MYO1B: variants seen among roughly 807,000 people sequenced by gnomAD.
The protein encoded by MYO1B is unconventional myosin-Ib.
In MYO1B, 72 loss-of-function variants were observed where a neutral mutation model predicts 159.7. The ratio of observed to expected loss-of-function variants is 0.45; its 90% confidence interval spans 0.37 to 0.55. The LOEUF (loss-of-function observed/expected upper bound fraction) is 0.55, where lower values mean the gene tolerates loss of function less well. Ranked by LOEUF, MYO1B falls within the 20% of genes least tolerant of loss-of-function variation. MYO1B has a pLI of 0.00. For synonymous variants in MYO1B, 468 were observed against 473.8 expected, an observed-to-expected ratio of 0.99 and a Z score of 0.16; for missense variants, 1,062 against 1,364.8, an observed-to-expected ratio of 0.78 and a Z score of 3.50.
intron 4 of MYO1B, among the ~76,000 whole-genome samples, chr2:191,332,355 A>AT (rs11289665): frequency 0.072 from 10,531 of 147,020 alleles, 393 homozygotes; most frequent in Middle Eastern, 0.089. Context: ...ATATTATAGG[A>AT]TTTTTTTTTT....
chr2:191,385,349 A>G (rs1695337665), intron 15 of MYO1B, among the ~76,000 whole-genome samples: 1 of 152,254 alleles, frequency 6.6e-6, no homozygotes, highest in Non-Finnish European at 1.5e-5. Context: ...TGTTAAAAGC[A>G]GCATCTCAAA....
At chr2:191,298,027 T>G (rs1465832355) in intron 3 of MYO1B, among the ~76,000 whole-genome samples, 1 of 152,242 alleles carries the variant, frequency 6.6e-6, no homozygotes, top group African/African-American at 2.4e-5. Context: ...GGATTTTCTC[T>G]GTATGATTAA....
At position 191,333,767 on chromosome 2, in the gene MYO1B, G is replaced by A. The variant is rs865973384; in HGVS notation, c.346+3738G>A. ...CCTGTGGGAAACTTTACAGGACATG[G>A]GCATCTTGAGAAAATGTTTTTACCC... On this transcript the variant is annotated intron_variant, in intron 4 of 30. Transcript: ENST00000392318. Among the ~76,000 whole-genome samples, 5 of 152,180 alleles carry A rather than the reference G, an allele frequency of 3.3e-5. 1 individual carries two copies. The highest frequency in any genetic ancestry group is 6.8e-3 in the Middle Eastern group (2 of 294).
At chr2:191,298,523 G>T (rs1378162) in intron 3 of MYO1B, among the ~76,000 whole-genome samples, 56,593 of 151,952 alleles carry the variant, frequency 0.37, 10,808 homozygotes, top group Middle Eastern at 0.53. Flanking sequence ...TCATAAGCCA[G>T]GAATCTACAT....
intron 2 of MYO1B, among the ~76,000 whole-genome samples, chr2:191,282,606 G>A (rs565356097): frequency 1.3e-5 from 2 of 152,286 alleles, no homozygotes; most frequent in Non-Finnish European, 2.9e-5. Context: ...CATTCCCAGC[G>A]TGAACAGTAA....
At chr2:191,389,118 T>C (rs76527072) in intron 17 of MYO1B, among the ~76,000 whole-genome samples, 1,547 of 152,346 alleles carry the variant, frequency 0.01, 61 homozygotes, top group Admixed American at 0.076. Context: ...TGTAGGGATC[T>C]GAACTTACTA....
In MYO1B at chr2:191,364,155, C is replaced by T. The variant is rs184920357; in HGVS notation, c.914-3C>T. The stretch of plus-strand genomic sequence containing the variant: ...TTTGTGTCCATCCCCTGCCTTCCCA[C>T]AGAGTTAAAAGAAATTTGTGAATTG... On this transcript the variant is annotated splice_region_variant and splice_polypyrimidine_tract_variant and intron_variant, in intron 10 of 30. Transcript: ENST00000392318. 1.1e-5 allele frequency: 18 copies of T among 1,612,608 alleles called. No homozygotes were observed. The Admixed American group carries it at 2.2e-4, about 19-fold the overall frequency.
rs559219086 is a variant in MYO1B, at chr2:191,386,023, G to A, written c.1493G>A (p.Arg498Gln). The A allele has an allele frequency of 1.2e-6, 2 of 1,614,062 alleles. No homozygotes were observed. The highest frequency in any genetic ancestry group is 1.1e-5 in the South Asian group (1 of 91,076). The change falls in exon 16 of 31, where the codon CGG (arginine) becomes CAG (glutamine). Residue 498 changes from arginine to glutamine, a missense_variant. Physicochemically the swap from Arg to Gln is conservative, Grantham distance 43. Coordinates refer to ENST00000392318, the MANE Select transcript of MYO1B (RefSeq NM_001130158.3). ...GAGAGCAGGATGAGCAAGTGCTCTCGGTTCCTCAATGACACGTCTCTGCCT... is the reference window on the plus strand; with the variant it reads ...GAGAGCAGGATGAGCAAGTGCTCTCAGTTCCTCAATGACACGTCTCTGCCT... ...HFESRMSKCS[R>Q]FLNDTSLPHS...
At chr2:191,297,516 T>G (rs1429171975) in intron 3 of MYO1B, among the ~76,000 whole-genome samples, 2 of 152,198 alleles carry the variant, frequency 1.3e-5, no homozygotes, top group East Asian at 1.9e-4. Flanking sequence ...TATTACTTTT[T>G]CGCAGTAGCA....
At chr2:191,336,367 A>G (rs1691842114) in intron 4 of MYO1B, among the ~76,000 whole-genome samples, 1 of 152,182 alleles carries the variant, frequency 6.6e-6, no homozygotes, top group South Asian at 2.1e-4. Context: ...CGAGCATTTC[A>G]CAGTGTTGAA....
At chr2:191,279,066 T>C (rs1218058153) in intron 2 of MYO1B, among the ~76,000 whole-genome samples, 1 of 152,238 alleles carries the variant, frequency 6.6e-6, no homozygotes, top group Non-Finnish European at 1.5e-5. Context: ...CATGAGTCTT[T>C]AGCAGACGAA....
chr2:191,291,210 G>A (rs1422660053), intron 2 of MYO1B, among the ~76,000 whole-genome samples: 2 of 152,096 alleles, frequency 1.3e-5, no homozygotes, highest in African/African-American at 2.4e-5. Flanking sequence ...CTCCAGAAAA[G>A]ACCTCTGTTT....
intron 23 of MYO1B, 30 bp from the exon 24 acceptor site, chr2:191,402,602 C>A: frequency 6.3e-7 from 1 of 1,596,736 alleles, no homozygotes; most frequent in South Asian, 1.1e-5. Flanking sequence ...ATTGGGCTGT[C>A]TCTTTTATTT....
intron 30 of MYO1B, among the ~76,000 whole-genome samples, chr2:191,423,548 T>C (rs2126205586): frequency 6.6e-6 from 1 of 152,340 alleles, no homozygotes; most frequent in South Asian, 2.1e-4. Flanking sequence ...CACCATCATA[T>C]ATGTGGTTCA....
intron 1 of MYO1B, among the ~76,000 whole-genome samples, chr2:191,276,215 T>A (rs185751741): frequency 1.3e-5 from 2 of 152,350 alleles, no homozygotes; most frequent in East Asian, 3.9e-4. Flanking sequence ...TGTGTTCTTT[T>A]CTTTATATGT....
At chr2:191,371,757 C>T (rs1488288529) in intron 13 of MYO1B, among the ~76,000 whole-genome samples, 1 of 152,176 alleles carries the variant, frequency 6.6e-6, no homozygotes, top group Non-Finnish European at 1.5e-5. Flanking sequence ...TCCCCTGTTT[C>T]TCCACCCTTG....
chr2:191,334,759 A>T lies in MYO1B; in HGVS notation c.346+4730A>T, dbSNP rs141922120. ...AGGGAGGAGGCTGGAGGAGGGTCCA[A>T]CAGAGACGCTAGAGCATTGCTTCTC... On this transcript the variant is annotated intron_variant, in intron 4 of 30. Transcript: ENST00000392318. 6.1e-4 allele frequency among the ~76,000 whole-genome samples: 93 copies of T among 152,284 alleles called. 1 individual carries two copies. In the East Asian group the frequency reaches 0.013, roughly 22 times the overall value.
chr2:191,373,718 C>T (rs550633518), intron 13 of MYO1B, among the ~76,000 whole-genome samples: 1 of 152,118 alleles, frequency 6.6e-6, no homozygotes, highest in Non-Finnish European at 1.5e-5. Context: ...GTTTTTACTC[C>T]GTTTAAACAG....
chr2:191,332,135 G>A (rs889950935), intron 4 of MYO1B, among the ~76,000 whole-genome samples: 34 of 152,178 alleles, frequency 2.2e-4, no homozygotes, highest in African/African-American at 7.7e-4. Flanking sequence ...GCTAATTTTT[G>A]TATTTTTAGT....
Sources: allele counts gnomAD v4.1 joint callset (sites outside exome capture counted in the v4.1 genomes callset), GRCh38; gene constraint gnomAD v4.1.1; transcripts MANE v1.5; gene names NCBI Gene and HGNC (gene_info 2026-07-23, HGNC 2026-07-21).